Variants in WWOX observed in about 807,000 individuals in gnomAD.
The protein encoded by WWOX is WW domain-containing oxidoreductase.
Under a neutral mutation model 46.2 loss-of-function variants are expected in WWOX, and 69 were observed. The ratio of observed to expected loss-of-function variants is 1.49; its 90% confidence interval spans 1.23 to 1.82. The LOEUF is 1.82. Ranked by LOEUF, WWOX falls within the 40% of genes most tolerant of loss-of-function variation. The pLI is 0.00. For missense variants in WWOX, 919 were observed against 542.6 expected (o/e 1.69, Z -6.89); for synonymous variants, 359 against 202.6 (o/e 1.77, Z -6.56).
chr16:78,838,412 A>T (rs1285719426), intron 8 of WWOX, among the ~76,000 whole-genome samples: 1 of 152,188 alleles, frequency 6.6e-6, no homozygotes, highest in Non-Finnish European at 1.5e-5. Flanking sequence ...AAATGTTGAG[A>T]CTTACACGTA....
chr16:78,203,758 T>C (rs1264616008), intron 5 of WWOX, among the ~76,000 whole-genome samples: 1 of 152,030 alleles, frequency 6.6e-6, no homozygotes, highest in African/African-American at 2.4e-5. Context: ...TTCAAGAAGG[T>C]CTTGGGCAAG....
At chr16:78,587,436 T>C (rs962206089) in intron 8 of WWOX, among the ~76,000 whole-genome samples, 1 of 152,108 alleles carries the variant, frequency 6.6e-6, no homozygotes, top group Non-Finnish European at 1.5e-5. Context: ...AGCAACTCTC[T>C]TACAGATTTT....
At chr16:79,017,867 T>C (rs1452285720) in intron 8 of WWOX, among the ~76,000 whole-genome samples, 1 of 152,348 alleles carries the variant, frequency 6.6e-6, no homozygotes. Flanking sequence ...ATTTGTCCTG[T>C]GGACTGTAGT....
At chr16:79,132,583 T>C (rs1369925349) in intron 8 of WWOX, among the ~76,000 whole-genome samples, 1 of 152,208 alleles carries the variant, frequency 6.6e-6, no homozygotes, top group Non-Finnish European at 1.5e-5. Context: ...TTGCTCTCTG[T>C]CTGGTTTCTC....
At position 78,856,002 on chromosome 16, in the gene WWOX, C is replaced by G. The variant is rs147786139; in HGVS notation, c.1057-355606C>G. Among the ~76,000 whole-genome samples, 18 of 152,292 alleles carry G rather than the reference C, an allele frequency of 1.2e-4. No homozygotes were observed. The East Asian group carries it at 3.3e-3, about 28-fold the overall frequency. ...CACAAGGTACCCAAGAAGGAGGTGA[C>G]TAACTTTATCTAACTTTACTTGCAG... On this transcript the variant is annotated intron_variant, in intron 8 of 8. Transcript: ENST00000566780.
At chr16:78,923,125 G>T (rs1022321370) in intron 8 of WWOX, among the ~76,000 whole-genome samples, 1 of 151,878 alleles carries the variant, frequency 6.6e-6, no homozygotes, top group African/African-American at 2.4e-5. Flanking sequence ...GGGATTACAG[G>T]GATGTGCCAC....
At chr16:78,620,406 A>G (rs995831603) in intron 8 of WWOX, among the ~76,000 whole-genome samples, 2 of 152,174 alleles carry the variant, frequency 1.3e-5, no homozygotes, top group South Asian at 2.1e-4. Flanking sequence ...AAGTTTCTGT[A>G]TCAACTGGAA....
intron 5 of WWOX, among the ~76,000 whole-genome samples, chr16:78,262,350 C>T (rs192595833): frequency 6.6e-6 from 1 of 152,122 alleles, no homozygotes; most frequent in South Asian, 2.1e-4. Flanking sequence ...TCTGATCTTC[C>T]TGTTAGAAGA....
intron 8 of WWOX, among the ~76,000 whole-genome samples, chr16:78,829,596 G>C (rs185154773): frequency 6.6e-6 from 1 of 152,024 alleles, no homozygotes; most frequent in East Asian, 1.9e-4. Flanking sequence ...TTGTCATCCT[G>C]TGTCCAAGGC....
At chr16:79,080,131 G>A (rs1165116009) in intron 8 of WWOX, among the ~76,000 whole-genome samples, 1 of 152,180 alleles carries the variant, frequency 6.6e-6, no homozygotes, top group South Asian at 2.1e-4. Flanking sequence ...AGGAAAAAAG[G>A]TTAGGGAGCC....
In WWOX at chr16:78,425,056, G is replaced by T. The variant is rs1164465811; in HGVS notation, c.791+1G>T. On this transcript the variant is annotated splice_donor_variant, in intron 7 of 8. Transcript: ENST00000566780. LOFTEE classifies it high-confidence loss of function. The stretch of plus-strand genomic sequence containing the variant: ...TTGTGGTCTCCTCAGAGTCCCATCG[G>T]TGGGTTTGAATTGCATATTTGTTCA... 6.8e-6 allele frequency: 11 copies of T among 1,613,396 alleles called. No individual in the cohort carries two copies. The highest frequency in any genetic ancestry group is 7.6e-6 in the Non-Finnish European group (9 of 1,180,020).
intron 5 of WWOX, among the ~76,000 whole-genome samples, chr16:78,252,196 T>C (rs1597403455): frequency 6.6e-6 from 1 of 152,312 alleles, no homozygotes; most frequent in African/African-American, 2.4e-5. Context: ...AGTGAGTGTG[T>C]GCAAGTGAAC....
chr16:78,492,404 C>A lies in WWOX; in HGVS notation c.1056+59652C>A, dbSNP rs148504704. Among the ~76,000 whole-genome samples, 997 of 152,332 alleles carry A rather than the reference C, an allele frequency of 6.5e-3. 12 individuals are homozygous for A. The highest frequency in any genetic ancestry group is 0.023 in the African/African-American group (951 of 41,580). Reference sequence around the variant, plus strand: ...TGACTCTAGCAATTAAGCCTCCCTTCTCATCTGTGGATAAAACTGACCTCC... The same window carrying A: ...TGACTCTAGCAATTAAGCCTCCCTTATCATCTGTGGATAAAACTGACCTCC... On this transcript the variant is annotated intron_variant, in intron 8 of 8. Transcript: ENST00000566780.
intron 8 of WWOX, among the ~76,000 whole-genome samples, chr16:78,600,198 G>A (rs1372417985): frequency 1.3e-5 from 2 of 152,006 alleles, no homozygotes; most frequent in Admixed American, 6.6e-5. Context: ...ATTCAGTTAC[G>A]TTCCACCGGG....
At chr16:78,120,763 G>A (rs1256526726) in intron 4 of WWOX, among the ~76,000 whole-genome samples, 1 of 152,086 alleles carries the variant, frequency 6.6e-6, no homozygotes, top group Admixed American at 6.5e-5. Flanking sequence ...TTGTCACCAC[G>A]ATGAATTCAT....
At chr16:78,970,306 A>G (rs1363470285) in intron 8 of WWOX, among the ~76,000 whole-genome samples, 1 of 152,186 alleles carries the variant, frequency 6.6e-6, no homozygotes, top group East Asian at 1.9e-4. Context: ...GCCCTTCCCC[A>G]CTACAGTGTA....
intron 5 of WWOX, among the ~76,000 whole-genome samples, chr16:78,283,390 G>A (rs761233281): frequency 6.6e-6 from 1 of 152,152 alleles, no homozygotes; most frequent in African/African-American, 2.4e-5. Flanking sequence ...CCTCATACCT[G>A]CTTTCCACTC....
chr16:78,277,046 C>G (rs894895471), intron 5 of WWOX, among the ~76,000 whole-genome samples: 3 of 152,156 alleles, frequency 2.0e-5, no homozygotes. Context: ...ATTTGCGAAC[C>G]TTGTTAAATT....
chr16:78,922,632 G>C (rs1387775671), intron 8 of WWOX, among the ~76,000 whole-genome samples: 1 of 152,160 alleles, frequency 6.6e-6, no homozygotes, highest in Non-Finnish European at 1.5e-5. Context: ...CCTCACCTTG[G>C]CCTCCCAAAG....
Sources: allele counts gnomAD v4.1 joint callset (sites outside exome capture counted in the v4.1 genomes callset), GRCh38; gene constraint gnomAD v4.1.1; transcripts MANE v1.5; gene names NCBI Gene and HGNC (gene_info 2026-07-23, HGNC 2026-07-21).